Variants in MYOM1 observed in about 807,000 individuals in gnomAD.
MYOM1 encodes the protein myomesin 1, also known as myomesin-1.
In MYOM1, 164 loss-of-function variants were observed where a neutral mutation model predicts 205.3. The ratio of observed to expected loss-of-function variants is 0.80; its 90% confidence interval spans 0.70 to 0.91. The LOEUF (loss-of-function observed/expected upper bound fraction) is 0.91. Ranked by LOEUF, MYOM1 falls within the 40% of genes least tolerant of loss-of-function variation. The pLI, the probability that MYOM1 is intolerant of heterozygous loss-of-function variation, is 0.00. For missense variants in MYOM1, 2,011 were observed against 2,127.3 expected, an observed-to-expected ratio of 0.95 and a Z score of 1.08; for synonymous variants, 772 against 789.4, an observed-to-expected ratio of 0.98 and a Z score of 0.37.
At chr18:3,218,748 CTTG>C (rs1236299689) in intron 1 of MYOM1, among the ~76,000 whole-genome samples, 9 of 152,128 alleles carry the variant, frequency 5.9e-5, no homozygotes, top group African/African-American at 1.4e-4. Flanking sequence ...AATAAAGAAA[CTTG>C]TTATGTTATA....
intron 13 of MYOM1, 130 bp from the exon 14 acceptor site, chr18:3,142,193 C>T: frequency 1.8e-6 from 2 of 1,089,602 alleles, no homozygotes; most frequent in Non-Finnish European, 2.6e-6. Context: ...AGTACCTTCT[C>T]TCTAAAATTC....
intron 33 of MYOM1, among the ~76,000 whole-genome samples, chr18:3,079,603 A>G (rs1438494948): frequency 6.6e-6 from 1 of 151,970 alleles, no homozygotes; most frequent in Non-Finnish European, 1.5e-5. Context: ...AAATCACAAT[A>G]CTAATACTTC....
Position 3,156,608 on chromosome 18 carries a change from CT to C in MYOM1, c.1502-1521del, listed in dbSNP as rs879296741. On this transcript the variant is annotated intron_variant, in intron 10 of 37. Transcript: ENST00000356443. ...CATTTTGATGAGGAGACACTTCTTT[CT>C]TTTTTTTTTTTTTTGAGACAGAGTC... Among the ~76,000 whole-genome samples the C allele has an allele frequency of 3.5e-3, 496 of 140,674 alleles. 1 individual carries two copies. The highest frequency in any genetic ancestry group is 5.1e-3 in the African/African-American group (196 of 38,298). 92.3% of individuals were successfully genotyped at this position (140,674 alleles called of 152,430 possible). A position where few individuals can be genotyped will look rare whatever the true frequency, so the allele number is the denominator to read the frequency against.
Position 3,120,010 on chromosome 18 carries a change from ACATCACAGATAC to A in MYOM1, c.2992-27_2992-16del. 1 of 1,575,724 alleles carries A rather than the reference ACATCACAGATAC, an allele frequency of 6.3e-7. No homozygotes were observed. Among genetic ancestry groups the A allele is most frequent in the Non-Finnish European group, 8.6e-7 (1 of 1,161,472 alleles). On this transcript the variant is annotated splice_polypyrimidine_tract_variant and intron_variant, in intron 19 of 37. Transcript: ENST00000356443. ...AAGTTGCTAATCTGCAACATTGACAACATCACAGATACTGAATGTTCCAGGTTTGTTTTTTTT... is the reference window on the plus strand; with the variant it reads ...AAGTTGCTAATCTGCAACATTGACAATGAATGTTCCAGGTTTGTTTTTTTT...
At position 3,102,464 on chromosome 18, in the gene MYOM1, T is replaced by G; in HGVS notation, c.3575+10A>C. On this transcript the variant is annotated intron_variant, in intron 23 of 37. Coordinates refer to ENST00000356443, the MANE Select transcript of MYOM1 (RefSeq NM_003803.4). ...AGGAAACCCATGATTGTGATTGACA[T>G]AGTCCTTACTTGTTGCCCTTGCTTT... 1 of 1,602,424 alleles carries G rather than the reference T, an allele frequency of 6.2e-7. No homozygotes were observed. The highest frequency in any genetic ancestry group is 1.1e-5 in the South Asian group (1 of 88,974).
At chr18:3,101,658 TG>T (rs1000283414) in intron 23 of MYOM1, among the ~76,000 whole-genome samples, 31 of 152,290 alleles carry the variant, frequency 2.0e-4, no homozygotes, top group African/African-American at 7.0e-4. Flanking sequence ...TACCATAACT[TG>T]AACCAGCGAG....
rs1401214429 is a variant in MYOM1 at position 3,151,930 on chromosome 18, G to T, written c.1644-37C>A. On this transcript the variant is annotated intron_variant, in intron 11 of 37. Coordinates refer to ENST00000356443, the MANE Select transcript of MYOM1 (RefSeq NM_003803.4). ...AGCGTGATTGACAAAAATATTAAAA[G>T]AAGTATGGCTTAATGAATATCTCCA... 7 of 1,589,420 alleles carry T rather than the reference G, an allele frequency of 4.4e-6. No individual in the cohort carries two copies. The South Asian group carries it at 7.8e-5, about 18-fold the overall frequency.
chr18:3,204,634 G>T (rs1438095090), intron 2 of MYOM1, among the ~76,000 whole-genome samples: 1 of 151,886 alleles, frequency 6.6e-6, no homozygotes, highest in Non-Finnish European at 1.5e-5. Context: ...TTATTAAAAT[G>T]ATACTTTTTT....
intron 2 of MYOM1, among the ~76,000 whole-genome samples, chr18:3,207,293 G>A (rs777451239): frequency 1.4e-4 from 21 of 152,152 alleles, no homozygotes; most frequent in Non-Finnish European, 2.8e-4. Flanking sequence ...TATTCCATAA[G>A]TGAATTTAAT....
At chr18:3,190,118 C>T (rs1017461814) in intron 3 of MYOM1, among the ~76,000 whole-genome samples, 4 of 152,126 alleles carry the variant, frequency 2.6e-5, no homozygotes, top group Non-Finnish European at 4.4e-5. Flanking sequence ...AAGGGAGTGG[C>T]AACATCCCAA....
At chr18:3,225,040 C>T in the MYOM1 span, among the ~76,000 whole-genome samples, 296 of 151,942 alleles carry the variant, frequency 1.9e-3, 1 homozygote, top group African/African-American at 5.8e-3. Context: ...CAGGCTGGAG[C>T]GCAGTGGCGC....
chr18:3,180,679 C>T (rs2080716555), intron 5 of MYOM1, among the ~76,000 whole-genome samples: 1 of 152,104 alleles, frequency 6.6e-6, no homozygotes, highest in African/African-American at 2.4e-5. Flanking sequence ...ATACTATCTC[C>T]CTTATCATTT....
At chr18:3,191,993 G>C (rs781585598) in intron 3 of MYOM1, among the ~76,000 whole-genome samples, 6 of 152,162 alleles carry the variant, frequency 3.9e-5, no homozygotes, top group Non-Finnish European at 7.3e-5. Context: ...ACCGTGCCTG[G>C]CCTCACGTCT....
At chr18:3,124,455 G>A (rs1283605418) in intron 19 of MYOM1, among the ~76,000 whole-genome samples, 1 of 149,914 alleles carries the variant, frequency 6.7e-6, no homozygotes, top group African/African-American at 2.5e-5. Flanking sequence ...CCACTCCTGG[G>A]ACTCCCGAGG....
intron 23 of MYOM1, among the ~76,000 whole-genome samples, chr18:3,100,636 G>A (rs961685684): frequency 6.6e-6 from 1 of 152,136 alleles, no homozygotes; most frequent in African/African-American, 2.4e-5. Flanking sequence ...AGGGGGTGAT[G>A]GTGACGGGAG....
chr18:3,246,077 G>A, the MYOM1 span: 1 of 152,406 alleles, frequency 6.6e-6, no homozygotes, highest in East Asian at 1.9e-4. Context: ...ACAATTACCT[G>A]ACTCAAAGAG....
chr18:3,067,622 T>A, intron 37 of MYOM1, 67 bp from the exon 38 acceptor site: 1 of 1,533,362 alleles, frequency 6.5e-7, no homozygotes, highest in Non-Finnish European at 8.8e-7. Flanking sequence ...GTCAACAATC[T>A]TGCCGGCTGG....
chr18:3,198,790 GAA>G (rs796981410), intron 2 of MYOM1, among the ~76,000 whole-genome samples: 1 of 95,712 alleles, frequency 1.0e-5, no homozygotes, highest in Non-Finnish European at 2.3e-5. Flanking sequence ...CTCAAAAAAA[GAA>G]AAAAAAAAAA....
chr18:3,100,760 A>G (rs2079364676), intron 23 of MYOM1, among the ~76,000 whole-genome samples: 1 of 152,166 alleles, frequency 6.6e-6, no homozygotes, highest in African/African-American at 2.4e-5. Flanking sequence ...TTCCCCCGCC[A>G]AGGGCAGAAC....
Sources: allele counts gnomAD v4.1 joint callset (sites outside exome capture counted in the v4.1 genomes callset), GRCh38; gene constraint gnomAD v4.1.1; transcripts MANE v1.5; gene names NCBI Gene and HGNC (gene_info 2026-07-23, HGNC 2026-07-21).